The following MACROD2 variants were observed in gnomAD, a reference collection of about 807,000 sequenced individuals.
The protein encoded by MACROD2 is mono-ADP ribosylhydrolase 2.
MACROD2 carries 36 observed loss-of-function variants against 70.4 expected under a neutral mutation model. The observed-to-expected ratio is 0.51, with a 90% CI of 0.39 to 0.68. MACROD2 has a LOEUF of 0.68. MACROD2 is among the 30% of genes least tolerant of loss of function. The probability of loss-of-function intolerance (pLI) is 0.00; values close to 1 mark genes in which losing one functional copy is unlikely to be tolerated. For missense variants in MACROD2, 496 were observed against 538.4 expected, an observed-to-expected ratio of 0.92 and a Z score of 0.78; for synonymous variants, 172 against 178.8, an observed-to-expected ratio of 0.96 and a Z score of 0.30.
chr20:14,344,956 T>G (rs951863249), intron 3 of MACROD2, among the ~76,000 whole-genome samples: 7 of 152,144 alleles, frequency 4.6e-5, no homozygotes, highest in Non-Finnish European at 1.0e-4. Context: ...TGTAATCCTG[T>G]CCTCCCTTTC....
chr20:14,826,270 T>C (rs1050954293), intron 5 of MACROD2, among the ~76,000 whole-genome samples: 1 of 151,938 alleles, frequency 6.6e-6, no homozygotes, highest in African/African-American at 2.4e-5. Context: ...TACCCATGCA[T>C]TGACTCCCAA....
chr20:14,076,889 C>T (rs866825164), intron 2 of MACROD2, among the ~76,000 whole-genome samples: 1 of 152,000 alleles, frequency 6.6e-6, no homozygotes, highest in Non-Finnish European at 1.5e-5. Flanking sequence ...TAAATTTCAC[C>T]TAAGAACCAC....
chr20:14,505,225 A>T (rs1365984533), intron 4 of MACROD2, among the ~76,000 whole-genome samples: 1 of 152,218 alleles, frequency 6.6e-6, no homozygotes, highest in African/African-American at 2.4e-5. Flanking sequence ...AATGAAGATG[A>T]TAAAAGTTGG....
intron 8 of MACROD2, among the ~76,000 whole-genome samples, chr20:15,856,409 C>CT (rs1207158901): frequency 6.6e-6 from 1 of 152,024 alleles, no homozygotes; most frequent in Non-Finnish European, 1.5e-5. Context: ...TTTTGTTTTT[C>CT]TTTTTTATAG....
At chr20:15,576,667 T>C (rs756807308) in intron 8 of MACROD2, among the ~76,000 whole-genome samples, 2 of 151,662 alleles carry the variant, frequency 1.3e-5, no homozygotes, top group Non-Finnish European at 2.9e-5. Context: ...GATCCCAAGA[T>C]AGAGTGGAAA....
At chr20:14,639,335 C>A (rs1435761051) in intron 4 of MACROD2, among the ~76,000 whole-genome samples, 1 of 152,056 alleles carries the variant, frequency 6.6e-6, no homozygotes, top group Non-Finnish European at 1.5e-5. Flanking sequence ...TCAACTCTCC[C>A]CATTCACTCA....
chr20:15,810,369 G>T (rs1282184402), intron 8 of MACROD2, among the ~76,000 whole-genome samples: 2 of 151,248 alleles, frequency 1.3e-5, no homozygotes, highest in African/African-American at 2.4e-5. Flanking sequence ...TAGTCCTTTG[G>T]GTATATACCC....
intron 5 of MACROD2, among the ~76,000 whole-genome samples, chr20:15,095,064 C>CTTTTTTT (rs373794823): frequency 1.7e-4 from 15 of 89,294 alleles, no homozygotes; most frequent in East Asian, 1.2e-3. Context: ...GTCTCCTCTT[C>CTTTTTTT]TTTTTTTTTT....
At position 15,987,286 on chromosome 20, in the gene MACROD2, A is replaced by T. The variant is rs909815697; in HGVS notation, c.1153+128A>T. 6.9e-6 allele frequency: 5 copies of T among 722,740 alleles called. No individual in the cohort carries two copies. The East Asian group carries it at 1.5e-4, about 21-fold the overall frequency. 44.8% of individuals were successfully genotyped at this position (722,740 alleles called of 1,614,324 possible). Reference sequence around the variant, plus strand: ...AAGGGGGAAAACGAACATTTCCTTAACCCCAAATCTCCGTTTGAAAGTAGA... The same window carrying T: ...AAGGGGGAAAACGAACATTTCCTTATCCCCAAATCTCCGTTTGAAAGTAGA... On this transcript the variant is annotated intron_variant, in intron 15 of 17. Transcript: ENST00000684519.
rs1010516886 is a variant in MACROD2 at position 14,142,486 on chromosome 20, G to A, written c.271+56758G>A. ...TCCTTTCCTGCTCATTTGTGTCCTC[G>A]TGTAAATGAAGGAGCTAGCATGTCT... On this transcript the variant is annotated intron_variant, in intron 3 of 17. Coordinates refer to ENST00000684519, the MANE Select transcript of MACROD2 (RefSeq NM_001351661.2). 9.2e-4 allele frequency among the ~76,000 whole-genome samples: 140 copies of A among 152,134 alleles called. 1 individual carries two copies. The highest frequency in any genetic ancestry group is 3.2e-3 in the African/African-American group (134 of 41,428).
chr20:15,477,249 C>A (rs954708506), intron 7 of MACROD2, among the ~76,000 whole-genome samples: 3 of 151,886 alleles, frequency 2.0e-5, no homozygotes, highest in Admixed American at 6.6e-5. Context: ...TACAGGCACG[C>A]ACCACCATAG....
intron 5 of MACROD2, among the ~76,000 whole-genome samples, chr20:14,749,647 G>A (rs558856238): frequency 6.6e-6 from 1 of 152,172 alleles, no homozygotes; most frequent in South Asian, 2.1e-4. Flanking sequence ...ATGTAACTTA[G>A]AAAATATCAA....
At chr20:15,010,151 G>T (rs945222725) in intron 5 of MACROD2, among the ~76,000 whole-genome samples, 4 of 152,136 alleles carry the variant, frequency 2.6e-5, no homozygotes, top group African/African-American at 7.2e-5. Flanking sequence ...AGAAGAAAAA[G>T]AGTTTTTTGA....
At chr20:14,379,044 C>T (rs1368027000) in intron 3 of MACROD2, among the ~76,000 whole-genome samples, 2 of 152,154 alleles carry the variant, frequency 1.3e-5, no homozygotes, top group African/African-American at 4.8e-5. Flanking sequence ...ATAATAATGA[C>T]TAGCATTAGT....
At chr20:14,992,490 A>C (rs2074913609) in intron 5 of MACROD2, among the ~76,000 whole-genome samples, 1 of 152,212 alleles carries the variant, frequency 6.6e-6, no homozygotes, top group East Asian at 1.9e-4. Context: ...ATCAGTGATA[A>C]TATACTAATG....
chr20:15,582,080 C>T (rs1180961163), intron 8 of MACROD2, among the ~76,000 whole-genome samples: 1 of 151,928 alleles, frequency 6.6e-6, no homozygotes. Flanking sequence ...CGAGATCATG[C>T]CACTGCACTC....
intron 3 of MACROD2, among the ~76,000 whole-genome samples, chr20:14,102,923 A>T (rs1217857559): frequency 6.6e-6 from 1 of 152,042 alleles, no homozygotes; most frequent in Non-Finnish European, 1.5e-5. Flanking sequence ...GTGTCTTTTT[A>T]AAAATAGTGT....
chr20:15,182,053 A>G (rs1259823486), intron 5 of MACROD2, among the ~76,000 whole-genome samples: 1 of 152,162 alleles, frequency 6.6e-6, no homozygotes, highest in Non-Finnish European at 1.5e-5. Flanking sequence ...GTTCTGCTGT[A>G]GAATTGAGTA....
intron 4 of MACROD2, among the ~76,000 whole-genome samples, chr20:14,626,181 A>C (rs1157166088): frequency 2.0e-5 from 3 of 152,114 alleles, no homozygotes; most frequent in Non-Finnish European, 4.4e-5. Context: ...CAAGGGGCAC[A>C]CTTTACAGCA....
Sources: allele counts gnomAD v4.1 joint callset (sites outside exome capture counted in the v4.1 genomes callset), GRCh38; gene constraint gnomAD v4.1.1; transcripts MANE v1.5; gene names NCBI Gene and HGNC (gene_info 2026-07-23, HGNC 2026-07-21).